The following ZNF675 variants were observed in gnomAD, a reference collection of about 807,000 sequenced individuals.
The protein encoded by ZNF675 is TRAF6 inhibitory zinc finger.
A neutral mutation model predicts 56.1 loss-of-function variants in ZNF675; 36 were observed. The ratio of observed to expected loss-of-function variants is 0.64; its 90% CI spans 0.49 to 0.85. ZNF675 has a LOEUF of 0.85. ZNF675 is among the 40% of genes least tolerant of loss of function. The pLI is 0.00. For missense variants in ZNF675, 663 were observed against 654.2 expected (o/e 1.01, Z -0.15); for synonymous variants, 200 against 218.9 (o/e 0.91, Z 0.76).
chr19:23,659,208 CTAATT>C (rs1968044571), intron 3 of ZNF675, among the ~76,000 whole-genome samples: 1 of 151,982 alleles, frequency 6.6e-6, no homozygotes, highest in South Asian at 2.1e-4. Context: ...TACAAATTAT[CTAATT>C]TACTTTAGAC....
In ZNF675 at chr19:23,653,452, G is replaced by A. The variant is rs1967937406; in HGVS notation, c.1481C>T (p.Ser494Phe). The A allele has an allele frequency of 6.2e-7, 1 of 1,610,070 alleles. No individual in the cohort carries two copies. The highest frequency in any genetic ancestry group is 1.4e-5 in the African/African-American group (1 of 74,030). Residue 494 changes from serine (S) to phenylalanine (F), a missense_variant, in exon 4 of 4, where the codon TCC becomes TTC. Around this residue, in one of 3 missense-constraint regions of ZNF675, gnomAD observed 617 missense variants for 590.5 expected, o/e 1.04. Transcript: ENST00000359788. ...ECGKAFKHSS[S>F]LTTHKRIHTG... ...ATGAATTCTTTTATGTGTAGTAAGG[G>A]ATGAGGAGTGTTTAAAAGCTTTGCC...
At chr19:23,667,597 C>T (rs559702165) in intron 1 of ZNF675, among the ~76,000 whole-genome samples, 2 of 151,968 alleles carry the variant, frequency 1.3e-5, no homozygotes, top group Non-Finnish European at 2.9e-5. Flanking sequence ...GATAGAGTGT[C>T]GATTGGTGCA....
intron 1 of ZNF675, among the ~76,000 whole-genome samples, chr19:23,678,013 G>T (rs879522534): frequency 6.6e-6 from 1 of 151,166 alleles, no homozygotes; most frequent in Non-Finnish European, 1.5e-5. Context: ...CCAGCTACTC[G>T]CGAGTCTGAG....
rs375911624 is a variant in ZNF675 at position 23,661,703 on chromosome 19, G to T, written c.226+411C>A. 9.4e-4 allele frequency among the ~76,000 whole-genome samples: 143 copies of T among 151,996 alleles called. 1 individual carries two copies. Among genetic ancestry groups the T allele is most frequent in the Non-Finnish European group, 1.4e-3 (92 of 67,954 alleles). ...AGACTCTGTCTCAAAAAAAAAGAAG[G>T]AAAGAAAACAATAGAAAAGAAACCA... is the stretch of plus-strand genomic sequence containing the variant. On this transcript the variant is annotated intron_variant, in intron 3 of 3. Transcript: ENST00000359788.
chr19:23,678,251 C>CA (rs978521301), intron 1 of ZNF675, among the ~76,000 whole-genome samples: 21 of 134,090 alleles, frequency 1.6e-4, no homozygotes, highest in Admixed American at 6.2e-4. Flanking sequence ...ATGAAACTAT[C>CA]AAAAATATTC....
Position 23,687,209 on chromosome 19 carries a change from G to T in ZNF675, c.-176C>A. Reference sequence around the variant, plus strand: ...GCCGCCAAATCCCGGAAGCCATCTTGTCTGCTCCAGCTGCGTGCCTGATTG... The same window carrying T: ...GCCGCCAAATCCCGGAAGCCATCTTTTCTGCTCCAGCTGCGTGCCTGATTG... On this transcript the variant is annotated 5_prime_UTR_variant, in exon 1 of 4. Coordinates refer to ENST00000359788, the MANE Select transcript of ZNF675 (RefSeq NM_138330.3). The T allele has an allele frequency of 1.4e-6, 1 of 706,522 alleles. No homozygotes were observed. Among genetic ancestry groups the T allele is most frequent in the Non-Finnish European group, 2.4e-6 (1 of 412,582 alleles). 43.8% of individuals were successfully genotyped at this position (706,522 alleles called of 1,614,324 possible).
intron 1 of ZNF675, among the ~76,000 whole-genome samples, chr19:23,673,813 A>G (rs1299880078): frequency 6.6e-6 from 1 of 152,216 alleles, no homozygotes; most frequent in Non-Finnish European, 1.5e-5. Flanking sequence ...CGTTCTGCAC[A>G]TGTATCCCAG....
In ZNF675 at chr19:23,654,721, A is replaced by G. The variant is rs757088817; in HGVS notation, c.227-15T>C. The G allele has an allele frequency of 3.3e-6, 5 of 1,503,584 alleles. No individual in the cohort carries two copies. The highest frequency in any genetic ancestry group is 2.7e-6 in the Non-Finnish European group (3 of 1,127,458). 93.1% of individuals were successfully genotyped at this position (1,503,584 alleles called of 1,614,324 possible). On this transcript the variant is annotated splice_polypyrimidine_tract_variant and intron_variant, in intron 3 of 3. Transcript: ENST00000359788. ...AGAACACATTACTGAAAGAAATAAAAATAACACATTACTTTACAGACTCAG... is the reference window on the plus strand; with the variant it reads ...AGAACACATTACTGAAAGAAATAAAGATAACACATTACTTTACAGACTCAG...
At chr19:23,665,559 G>A (rs930599444) in intron 1 of ZNF675, among the ~76,000 whole-genome samples, 16 of 151,670 alleles carry the variant, frequency 1.1e-4, no homozygotes, top group African/African-American at 3.9e-4. Flanking sequence ...GCAGTGGCGT[G>A]ATCTCGACTC....
chr19:23,681,361 TGTGGTG>T (rs1968374145), intron 1 of ZNF675, among the ~76,000 whole-genome samples: 1 of 151,588 alleles, frequency 6.6e-6, no homozygotes, highest in Non-Finnish European at 1.5e-5. Context: ...GTGGAAATCT[TGTGGTG>T]GTAGCTGTGG....
At position 23,653,326 on chromosome 19, in the gene ZNF675, T is replaced by C. The variant is rs757716672; in HGVS notation, c.1607A>G (p.Tyr536Cys). The C allele has an allele frequency of 3.8e-5, 62 of 1,613,680 alleles. No individual in the cohort carries two copies. The highest frequency in any genetic ancestry group is 5.0e-5 in the Non-Finnish European group (59 of 1,179,944). ...HKIIHTGEKPYKCERCDKAFN... is the reference protein window; with the variant it reads ...HKIIHTGEKPCKCERCDKAFN... ...AGCTTTGTCACATCTCTCACATTTA[T>C]AGGGTTTCTCTCCAGTATGAATTAT... Residue 536 changes from tyrosine (Y) to cysteine (C), a missense_variant, in exon 4 of 4, where the codon TAT becomes TGT. Tyr to Cys is a radical substitution (Grantham distance 194, BLOSUM62 -2). Transcript: ENST00000359788.
chr19:23,668,342 A>T (rs1968182327), intron 1 of ZNF675, among the ~76,000 whole-genome samples: 2 of 149,436 alleles, frequency 1.3e-5, no homozygotes, highest in African/African-American at 5.0e-5. Context: ...CTAGATACAG[A>T]GTGTCGATTG....
At chr19:23,684,268 A>T (rs1968414886) in intron 1 of ZNF675, among the ~76,000 whole-genome samples, 2 of 151,738 alleles carry the variant, frequency 1.3e-5, no homozygotes, top group Non-Finnish European at 1.5e-5. Flanking sequence ...TCTCAAAAAA[A>T]AAAAAAAAAA....
chr19:23,676,935 G>A lies in ZNF675; in HGVS notation c.3+10096C>T, dbSNP rs910997534. 5.3e-5 allele frequency among the ~76,000 whole-genome samples: 8 copies of A among 151,158 alleles called. No individual in the cohort carries two copies. In the South Asian group the frequency reaches 8.3e-4, roughly 16 times the overall value. On this transcript the variant is annotated intron_variant, in intron 1 of 3. Transcript: ENST00000359788. The stretch of plus-strand genomic sequence containing the variant: ...TAAAAATACAAAAAATTAGCCACGC[G>A]TGGTGGCGGGCGCCTGTAGTCCCAG...
intron 1 of ZNF675, among the ~76,000 whole-genome samples, chr19:23,668,515 C>T (rs1189369237): frequency 1.3e-5 from 2 of 152,216 alleles, no homozygotes; most frequent in Non-Finnish European, 2.9e-5. Context: ...GCCAGTCCTG[C>T]GCCATGCGCT....
intron 1 of ZNF675, among the ~76,000 whole-genome samples, chr19:23,676,717 T>C (rs1968299374): frequency 6.6e-6 from 1 of 151,832 alleles, no homozygotes; most frequent in African/African-American, 2.4e-5. Context: ...AAGAGTTATC[T>C]ACGACAAATT....
intron 1 of ZNF675, among the ~76,000 whole-genome samples, chr19:23,667,719 T>A (rs569590079): frequency 5.1e-4 from 76 of 149,434 alleles, no homozygotes; most frequent in Non-Finnish European, 9.6e-4. Context: ...ACGGTGCTGA[T>A]TGGAGTGTTT....
At chr19:23,668,772 G>C (rs113694928) in intron 1 of ZNF675, among the ~76,000 whole-genome samples, 9,234 of 152,276 alleles carry the variant, frequency 0.061, 371 homozygotes, top group Middle Eastern at 0.15. Flanking sequence ...TGGCCCGGGT[G>C]CTAAGTCCCT....
chr19:23,657,317 GA>G (rs1967998384), intron 3 of ZNF675, among the ~76,000 whole-genome samples: 1 of 151,988 alleles, frequency 6.6e-6, no homozygotes, highest in South Asian at 2.1e-4. Context: ...AGAAAAAATG[GA>G]AAAAATACAG....
Sources: gnomAD v4.1 joint callset for allele counts (sites outside exome capture counted in the v4.1 genomes callset) on GRCh38, gnomAD v4.1.1 for gene constraint, gnomAD v4.1.1 regional missense constraint, MANE v1.5 for transcripts, NCBI Gene and HGNC (gene_info 2026-07-23, HGNC 2026-07-21) for gene names.